The following TSHZ3 variants were observed in gnomAD, a reference collection of about 807,000 sequenced individuals.
The protein encoded by TSHZ3 is teashirt zinc finger homeobox 3.
A neutral mutation model predicts 64.5 loss-of-function variants in TSHZ3; 10 were observed. The ratio of observed to expected loss-of-function variants is 0.16; its 90% CI spans 0.10 to 0.26. The LOEUF (loss-of-function observed/expected upper bound fraction) is 0.26, where lower values mean the gene tolerates loss of function less well. Among genes scored for constraint, TSHZ3 ranks in the 10% least tolerant of loss-of-function variants. TSHZ3 has a pLI of 1.00. For missense variants in TSHZ3, 1,242 were observed against 1,421.7 expected (o/e 0.87, Z 2.03); for synonymous variants, 608 against 593.1 (o/e 1.03, Z -0.36).
chr19:31,258,655 C>T (rs777551629), intron 1 of TSHZ3, among the ~76,000 whole-genome samples: 107 of 152,182 alleles, frequency 7.0e-4, no homozygotes, highest in Non-Finnish European at 1.4e-3. Context: ...TAACACAGTG[C>T]CTTGTCCGTG....
At chr19:31,323,068 C>G (rs920844897) in intron 1 of TSHZ3, among the ~76,000 whole-genome samples, 2 of 152,166 alleles carry the variant, frequency 1.3e-5, no homozygotes, top group African/African-American at 4.8e-5. Context: ...TTGTATTTGG[C>G]AACCTGCTTT....
intron 4 of TSHZ3, among the ~76,000 whole-genome samples, chr19:31,211,047 C>T (rs535236675): frequency 6.0e-4 from 92 of 152,168 alleles, no homozygotes; most frequent in African/African-American, 2.2e-3. Flanking sequence ...GTTTGTTTTT[C>T]GATGGTGGAA....
chr19:31,350,080 AC>A (rs1362151475), upstream of TSHZ3, among the ~76,000 whole-genome samples: 557 of 22,882 alleles, frequency 0.024, 6 homozygotes, highest in African/African-American at 0.082. Flanking sequence ...GTCCCCAGCC[AC>A]CCCCCAGCTG....
chr19:31,174,155 G>C (rs1974576433), intron 5 of TSHZ3, among the ~76,000 whole-genome samples: 1 of 152,240 alleles, frequency 6.6e-6, no homozygotes, highest in South Asian at 2.1e-4. Flanking sequence ...CAGCAAAGGG[G>C]AAGACCCGGG....
At chr19:31,228,678 G>A (rs979443357) in intron 3 of TSHZ3, among the ~76,000 whole-genome samples, 2 of 152,084 alleles carry the variant, frequency 1.3e-5, no homozygotes, top group African/African-American at 4.8e-5. Context: ...AACACTGAAG[G>A]TTACTAGCAC....
intron 1 of TSHZ3, among the ~76,000 whole-genome samples, chr19:31,324,136 A>G (rs1231530868): frequency 6.6e-6 from 1 of 152,216 alleles, no homozygotes; most frequent in Non-Finnish European, 1.5e-5. Context: ...ACACTGGGCC[A>G]GCCTACCATC....
At chr19:31,194,981 C>T (rs574820838) in intron 5 of TSHZ3, among the ~76,000 whole-genome samples, 1 of 152,072 alleles carries the variant, frequency 6.6e-6, no homozygotes, top group Admixed American at 6.5e-5. Context: ...TTGGACATGG[C>T]TGAAGAAAGA....
At chr19:31,242,218 G>C (rs1291573829) in intron 3 of TSHZ3, among the ~76,000 whole-genome samples, 1 of 152,160 alleles carries the variant, frequency 6.6e-6, no homozygotes, top group East Asian at 1.9e-4. Flanking sequence ...AGAACCAATA[G>C]GATGCATAGA....
chr19:31,177,688 G>C (rs1447441060), intron 5 of TSHZ3, among the ~76,000 whole-genome samples: 1 of 152,210 alleles, frequency 6.6e-6, no homozygotes, highest in Admixed American at 6.5e-5. Flanking sequence ...CTGCGCGCTG[G>C]GAAGCAAATA....
chr19:31,322,176 C>T (rs375019927), intron 1 of TSHZ3, among the ~76,000 whole-genome samples: 1 of 152,302 alleles, frequency 6.6e-6, no homozygotes, highest in Non-Finnish European at 1.5e-5. Context: ...TGCTCTGTCA[C>T]CCAGGCTGGA....
chr19:31,183,799 A>C (rs1019492835), intron 5 of TSHZ3, among the ~76,000 whole-genome samples: 2 of 152,110 alleles, frequency 1.3e-5, no homozygotes, highest in Non-Finnish European at 2.9e-5. Flanking sequence ...GAAGAGGTGA[A>C]CAGGCGCTGG....
At chr19:31,230,091 A>T (rs909486114) in intron 3 of TSHZ3, among the ~76,000 whole-genome samples, 27 of 152,338 alleles carry the variant, frequency 1.8e-4, no homozygotes, top group Non-Finnish European at 3.2e-4. Context: ...AAATTTATTT[A>T]AAAATGTTCC....
At chr19:31,317,082 C>T (rs976784133) in intron 1 of TSHZ3, among the ~76,000 whole-genome samples, 8 of 152,228 alleles carry the variant, frequency 5.3e-5, no homozygotes, top group East Asian at 3.9e-4. Flanking sequence ...GAAATTTAGT[C>T]GCAGGAGACT....
At chr19:31,241,398 C>G (rs1975686921) in intron 3 of TSHZ3, among the ~76,000 whole-genome samples, 1 of 152,148 alleles carries the variant, frequency 6.6e-6, no homozygotes, top group Non-Finnish European at 1.5e-5. Flanking sequence ...TAACCATATG[C>G]TCAAGAGATC....
intron 5 of TSHZ3, among the ~76,000 whole-genome samples, chr19:31,163,707 G>C (rs1274564195): frequency 6.6e-6 from 1 of 152,168 alleles, no homozygotes; most frequent in Non-Finnish European, 1.5e-5. Context: ...CTCCAATCTG[G>C]GTGACAGAAT....
At chr19:31,153,046 G>T (rs540548968) in intron 6 of TSHZ3, among the ~76,000 whole-genome samples, 45 of 152,298 alleles carry the variant, frequency 3.0e-4, no homozygotes, top group Non-Finnish European at 5.3e-4. Flanking sequence ...CTGTCTTTTA[G>T]ATGACTCATT....
chr19:31,309,164 G>A (rs1003797513), intron 1 of TSHZ3, among the ~76,000 whole-genome samples: 3 of 152,240 alleles, frequency 2.0e-5, no homozygotes, highest in Non-Finnish European at 4.4e-5. Flanking sequence ...GGAAGGCATC[G>A]CTTTGTACGG....
intron 5 of TSHZ3, among the ~76,000 whole-genome samples, chr19:31,175,212 G>C (rs1451347385): frequency 6.6e-6 from 1 of 152,174 alleles, no homozygotes; most frequent in Non-Finnish European, 1.5e-5. Context: ...CAGCCAGCCA[G>C]CCCTCGGCCG....
intron 1 of TSHZ3, among the ~76,000 whole-genome samples, chr19:31,301,072 A>T: frequency 6.6e-6 from 1 of 152,288 alleles, no homozygotes; most frequent in Middle Eastern, 3.4e-3. Flanking sequence ...ATTTTTCATT[A>T]CCATTAGCAA....
Sources: gnomAD v4.1 joint callset for allele counts (sites outside exome capture counted in the v4.1 genomes callset) on GRCh38, gnomAD v4.1.1 for gene constraint, MANE v1.5 for transcripts, NCBI Gene and HGNC (gene_info 2026-07-23, HGNC 2026-07-21) for gene names.